PTPRD: variants seen among roughly 807,000 people sequenced by gnomAD.
PTPRD encodes receptor-type tyrosine-protein phosphatase delta.
A neutral mutation model predicts 214.5 loss-of-function variants in PTPRD; 34 were observed. The observed-to-expected ratio is 0.16, with a 90% CI of 0.12 to 0.21. The LOEUF (loss-of-function observed/expected upper bound fraction) is 0.21, where lower values mean the gene tolerates loss of function less well. Among genes scored for constraint, PTPRD ranks in the 10% least tolerant of loss-of-function variants. The pLI is 1.00. For missense variants in PTPRD, 2,545 were observed against 2,398.7 expected (o/e 1.06, Z -1.27); for synonymous variants, 1,128 against 845.7 (o/e 1.33, Z -5.79).
At chr9:9,024,413 C>T (rs1169616625) in intron 10 of PTPRD, among the ~76,000 whole-genome samples, 2 of 140,200 alleles carry the variant, frequency 1.4e-5, no homozygotes, top group African/African-American at 5.5e-5. Context: ...TATATATTTG[C>T]ATGAATCATG....
chr9:9,668,206 G>A (rs981651000), intron 7 of PTPRD, among the ~76,000 whole-genome samples: 7 of 152,060 alleles, frequency 4.6e-5, no homozygotes, highest in African/African-American at 1.2e-4. Flanking sequence ...AAGCACAACC[G>A]ATAAAACGAA....
At chr9:10,191,715 A>T (rs955353207) in intron 3 of PTPRD, among the ~76,000 whole-genome samples, 1 of 152,134 alleles carries the variant, frequency 6.6e-6, no homozygotes, top group East Asian at 1.9e-4. Flanking sequence ...TAATCTTTCT[A>T]TGATTTCCCC....
chr9:9,017,531 A>G (rs1196018075), intron 11 of PTPRD, among the ~76,000 whole-genome samples: 1 of 152,208 alleles, frequency 6.6e-6, no homozygotes, highest in Non-Finnish European at 1.5e-5. Context: ...ATACATTTTA[A>G]TGATTTATTT....
intron 8 of PTPRD, among the ~76,000 whole-genome samples, chr9:9,563,050 G>A (rs2083383800): frequency 2.0e-5 from 3 of 152,036 alleles, no homozygotes; most frequent in Admixed American, 2.0e-4. Flanking sequence ...TTTTTCAACT[G>A]AATATAAAAT....
At chr9:10,386,105 T>C (rs1001042015) in intron 2 of PTPRD, among the ~76,000 whole-genome samples, 1 of 151,888 alleles carries the variant, frequency 6.6e-6, no homozygotes, top group Admixed American at 6.6e-5. Flanking sequence ...ACTTAGCAAG[T>C]GGATTTTATT....
At chr9:10,336,805 T>C (rs934394737) in intron 3 of PTPRD, among the ~76,000 whole-genome samples, 1 of 151,636 alleles carries the variant, frequency 6.6e-6, no homozygotes, top group Non-Finnish European at 1.5e-5. Context: ...AGACCAGTAA[T>C]GAAATCTGGA....
rs538430234 is a variant in PTPRD, at chr9:8,340,222, A to C, written c.5253+121T>G. The C allele has an allele frequency of 1.4e-4, 165 of 1,138,686 alleles. 1 individual carries two copies. The African/African-American group carries it at 2.3e-3, about 16-fold the overall frequency. 70.5% of individuals were successfully genotyped at this position (1,138,686 alleles called of 1,614,324 possible). ...CTAACAAGGAATGATGGTCCGGATT[A>C]TGTCCAGAGTGCACTGCATTTCAAA... On this transcript the variant is annotated intron_variant, in intron 42 of 45. Coordinates refer to ENST00000381196, the MANE Select transcript of PTPRD (RefSeq NM_002839.4).
chr9:10,509,773 T>G (rs115526913), intron 2 of PTPRD, among the ~76,000 whole-genome samples: 127 of 151,544 alleles, frequency 8.4e-4, no homozygotes, highest in African/African-American at 3.0e-3. Context: ...TTCCTTGTTA[T>G]TAGAATGTTA....
chr9:9,743,806 T>C (rs2098431034), intron 6 of PTPRD, among the ~76,000 whole-genome samples: 1 of 143,336 alleles, frequency 7.0e-6, no homozygotes, highest in Non-Finnish European at 1.5e-5. Flanking sequence ...CTCCAAAAAA[T>C]TAAAGGTGGG....
At chr9:9,290,337 T>G (rs1312946211) in intron 9 of PTPRD, among the ~76,000 whole-genome samples, 1 of 151,710 alleles carries the variant, frequency 6.6e-6, no homozygotes, top group Non-Finnish European at 1.5e-5. Flanking sequence ...TTGTGTGAGT[T>G]TCTTATATTT....
intron 3 of PTPRD, among the ~76,000 whole-genome samples, chr9:10,175,604 T>C (rs886666382): frequency 1.3e-5 from 2 of 152,074 alleles, no homozygotes; most frequent in African/African-American, 4.8e-5. Context: ...ATACAGATCA[T>C]AGGTTCATTA....
intron 4 of PTPRD, among the ~76,000 whole-genome samples, chr9:10,013,368 T>C (rs1489391912): frequency 6.6e-6 from 1 of 151,954 alleles, no homozygotes; most frequent in Admixed American, 6.6e-5. Context: ...TAAATGAATA[T>C]TCCATTTGTA....
At chr9:8,682,982 A>G (rs1487070457) in intron 12 of PTPRD, among the ~76,000 whole-genome samples, 1 of 152,192 alleles carries the variant, frequency 6.6e-6, no homozygotes, top group Non-Finnish European at 1.5e-5. Context: ...AAGTGTCTAA[A>G]GGCTTTTAAA....
chr9:9,239,190 G>A (rs2130837374), intron 9 of PTPRD, among the ~76,000 whole-genome samples: 1 of 145,340 alleles, frequency 6.9e-6, no homozygotes, highest in Middle Eastern at 3.5e-3. Context: ...TCAGGGAGAT[G>A]ACTGTCTGAA....
chr9:10,327,498 T>C (rs2096665890), intron 3 of PTPRD, among the ~76,000 whole-genome samples: 1 of 151,548 alleles, frequency 6.6e-6, no homozygotes, highest in Admixed American at 6.6e-5. Context: ...TTAATAAAAA[T>C]AACTACCAAT....
At chr9:9,844,124 AT>A (rs1199350413) in intron 5 of PTPRD, among the ~76,000 whole-genome samples, 1 of 151,760 alleles carries the variant, frequency 6.6e-6, no homozygotes, top group African/African-American at 2.4e-5. Flanking sequence ...GTAGCAATTG[AT>A]TTTTTTCATT....
At chr9:10,196,166 AAAT>A (rs1269260884) in intron 3 of PTPRD, among the ~76,000 whole-genome samples, 1 of 152,290 alleles carries the variant, frequency 6.6e-6, no homozygotes, top group East Asian at 1.9e-4. Context: ...TATTGTACAT[AAAT>A]AATGGTTTAA....
At chr9:9,507,324 C>T (rs1296407328) in intron 8 of PTPRD, among the ~76,000 whole-genome samples, 1 of 151,044 alleles carries the variant, frequency 6.6e-6, no homozygotes, top group Non-Finnish European at 1.5e-5. Context: ...ATTAAGAATG[C>T]TACCTGGGTA....
At chr9:9,322,153 A>T (rs1482487111) in intron 9 of PTPRD, among the ~76,000 whole-genome samples, 1 of 152,240 alleles carries the variant, frequency 6.6e-6, no homozygotes, top group Non-Finnish European at 1.5e-5. Flanking sequence ...AGTTAAATCA[A>T]CAAAATGGTC....
Sources: allele counts gnomAD v4.1 joint callset (sites outside exome capture counted in the v4.1 genomes callset), GRCh38; gene constraint gnomAD v4.1.1; transcripts MANE v1.5; gene names NCBI Gene and HGNC (gene_info 2026-07-23, HGNC 2026-07-21).